ATOH8: variants seen among roughly 807,000 people sequenced by gnomAD.
ATOH8 encodes atonal bHLH transcription factor 8, also known as transcription factor ATOH8.
ATOH8 carries 9 observed loss-of-function variants against 21.2 expected under a neutral mutation model. That is an observed-to-expected ratio of 0.42 (90% CI 0.26 to 0.74). The LOEUF is 0.74. Among genes scored for constraint, ATOH8 ranks in the 30% least tolerant of loss-of-function variants. ATOH8 has a pLI of 0.24. For synonymous variants in ATOH8, 253 were observed against 224.0 expected (o/e 1.13, Z -1.16); for missense variants, 524 against 470.9 (o/e 1.11, Z -1.04).
Position 85,788,844 on chromosome 2 carries a change from A to G in ATOH8, c.*1954A>G, listed in dbSNP as rs1262944141. ...GACCACAGTGTCCATGCTGTCTTGGATCCCTAGGCTGGCACAGAAACAGGG... is the reference window on the plus strand; with the variant it reads ...GACCACAGTGTCCATGCTGTCTTGGGTCCCTAGGCTGGCACAGAAACAGGG... On this transcript the variant is annotated 3_prime_UTR_variant, in exon 3 of 3. Coordinates refer to ENST00000306279, the MANE Select transcript of ATOH8 (RefSeq NM_032827.7). 6.6e-6 allele frequency among the ~76,000 whole-genome samples: 1 copy of G among 152,126 alleles called. No homozygotes were observed. The highest frequency in any genetic ancestry group is 2.4e-5 in the African/African-American group (1 of 41,434).
At chr2:85,786,081 A>C (rs1389420321) in intron 2 of ATOH8, among the ~76,000 whole-genome samples, 1 of 152,206 alleles carries the variant, frequency 6.6e-6, no homozygotes, top group East Asian at 1.9e-4. Context: ...TTCAGCTGCC[A>C]GAATGAGGAT....
intron 2 of ATOH8, among the ~76,000 whole-genome samples, chr2:85,767,925 T>A (rs1050193748): frequency 6.6e-6 from 1 of 152,158 alleles, no homozygotes; most frequent in Non-Finnish European, 1.5e-5. Context: ...TGCTTTGCCC[T>A]CTCTGGGTCA....
intron 2 of ATOH8, among the ~76,000 whole-genome samples, chr2:85,784,739 GCCTCC>G (rs1680580222): frequency 6.6e-6 from 1 of 152,200 alleles, no homozygotes; most frequent in African/African-American, 2.4e-5. Context: ...ATGCTAATCT[GCCTCC>G]CCTCCCCTCA....
At chr2:85,762,592 G>A (rs1558609583) in intron 1 of ATOH8, among the ~76,000 whole-genome samples, 1 of 152,140 alleles carries the variant, frequency 6.6e-6, no homozygotes, top group Non-Finnish European at 1.5e-5. Context: ...CCCTATTAAG[G>A]GCAAGCTGTC....
intron 2 of ATOH8, among the ~76,000 whole-genome samples, chr2:85,778,657 C>T (rs1417772993): frequency 6.6e-6 from 1 of 152,134 alleles, no homozygotes; most frequent in Non-Finnish European, 1.5e-5. Context: ...TTTGGTGTGA[C>T]TTGGCTTGTC....
rs569217851 is a variant in ATOH8 at position 85,790,805 on chromosome 2, G to A, written c.*3915G>A. On this transcript the variant is annotated 3_prime_UTR_variant, in exon 3 of 3. Coordinates refer to ENST00000306279, the MANE Select transcript of ATOH8 (RefSeq NM_032827.7). ...AGCTAATTAGGATAAGACAGGGGCC[G>A]CGCTGTGGTCAGCCGTGGGAAGCCG... Among the ~76,000 whole-genome samples the A allele has an allele frequency of 6.0e-4, 91 of 152,326 alleles. No individual in the cohort carries two copies. Among genetic ancestry groups the A allele is most frequent in the African/African-American group, 2.1e-3 (88 of 41,556 alleles).
chr2:85,781,348 C>G (rs907112800), intron 2 of ATOH8, among the ~76,000 whole-genome samples: 1 of 151,802 alleles, frequency 6.6e-6, no homozygotes, highest in Non-Finnish European at 1.5e-5. Flanking sequence ...GGGCGGATCA[C>G]TTGAGGTCAG....
In ATOH8 at chr2:85,754,910, A is replaced by G; in HGVS notation, c.721A>G (p.Thr241Ala). ...GCTCCTGGCGAACGCCAGGGAGCGG[A>G]CGCGGGTGCACACCATCAGCGCAGC... ...RRLLANARER[T>A]RVHTISAAFE... Residue 241 changes from threonine to alanine, a missense_variant, in exon 1 of 3, where the codon ACG becomes GCG. By Grantham distance (58) the Thr-to-Ala change is moderately conservative (BLOSUM62 0). Transcript: ENST00000306279. 6.2e-7 allele frequency: 1 copy of G among 1,608,810 alleles called. No homozygotes were observed.
Position 85,754,276 on chromosome 2 carries a change from A to C in ATOH8, c.87A>C (p.Lys29Asn). 1 of 1,610,164 alleles carries C rather than the reference A, an allele frequency of 6.2e-7. No individual in the cohort carries two copies. Among genetic ancestry groups the C allele is most frequent in the Non-Finnish European group, 8.5e-7 (1 of 1,178,902 alleles). ...ELNGLKKLKR[K>N]GKEPARRANG... ...ACGGCCTTAAGAAGCTCAAGCGGAA[A>C]GGCAAGGAGCCGGCGCGGCGCGCGA... is the stretch of plus-strand genomic sequence containing the variant. Residue 29 changes from lysine (K) to asparagine (N), a missense_variant, in exon 1 of 3, where the codon AAA becomes AAC. Physicochemically the swap from Lys to Asn is moderately conservative, Grantham distance 94. Coordinates refer to ENST00000306279, the MANE Select transcript of ATOH8 (RefSeq NM_032827.7).
Position 85,754,310 on chromosome 2 carries a change from A to T in ATOH8, c.121A>T (p.Lys41Ter). The T allele has an allele frequency of 6.2e-7, 1 of 1,609,440 alleles. No individual in the cohort carries two copies. The highest frequency in any genetic ancestry group is 8.5e-7 in the Non-Finnish European group (1 of 1,178,658). The change falls in exon 1 of 3, where the codon AAA (lysine) becomes TAA (stop). Residue 41 changes from lysine (K) to a stop codon, truncating the protein, a stop_gained. Transcript: ENST00000306279. LOFTEE classifies it high-confidence loss of function. ...GCCGGCGCGGCGCGCGAACGGCTAT[A>T]AAACTTTCCGACTGGACTTGGAAGC... ...KEPARRANGY[K>*]TFRLDLEAPE... is the part of the protein sequence containing the mutation.
intron 2 of ATOH8, among the ~76,000 whole-genome samples, chr2:85,781,700 A>G (rs1235728007): frequency 2.0e-5 from 3 of 151,922 alleles, no homozygotes; most frequent in Non-Finnish European, 4.4e-5. Context: ...ACAAAGTGAG[A>G]CTCCGTCTCT....
chr2:85,776,154 C>G (rs541433463), intron 2 of ATOH8, among the ~76,000 whole-genome samples: 16 of 152,210 alleles, frequency 1.1e-4, no homozygotes, highest in African/African-American at 3.9e-4. Flanking sequence ...CGAAGTCGCC[C>G]AGGCTCAAGC....
At chr2:85,775,643 T>C (rs1380499719) in intron 2 of ATOH8, among the ~76,000 whole-genome samples, 9 of 152,164 alleles carry the variant, frequency 5.9e-5, no homozygotes, top group African/African-American at 2.2e-4. Flanking sequence ...AAGCTGCATC[T>C]ACAGTCAGGG....
Position 85,754,436 on chromosome 2 carries a change from G to A in ATOH8, c.247G>A (p.Ala83Thr). ...GCCGGTGCCAGTCCCAGTGGCGCCG[G>A]CCGTTCCCCCAAGAGGGGGCACGGA... ...PVPVPVPVAP[A>T]VPPRGGTDTA... is the part of the protein sequence containing the mutation. Residue 83 changes from alanine to threonine, a missense_variant, in exon 1 of 3, where the codon GCC becomes ACC. By Grantham distance (58) the Ala-to-Thr change is moderately conservative (BLOSUM62 0). Coordinates refer to ENST00000306279, the MANE Select transcript of ATOH8 (RefSeq NM_032827.7). 1 of 1,524,980 alleles carries A rather than the reference G, an allele frequency of 6.6e-7. No individual in the cohort carries two copies. Among genetic ancestry groups the A allele is most frequent in the East Asian group, 2.5e-5 (1 of 40,256 alleles). The allele number at this position is 1,524,980 out of a possible 1,614,324, so 94.5% of individuals were successfully genotyped here.
At chr2:85,776,644 C>T (rs945797761) in intron 2 of ATOH8, among the ~76,000 whole-genome samples, 2 of 152,202 alleles carry the variant, frequency 1.3e-5, no homozygotes, top group African/African-American at 4.8e-5. Flanking sequence ...GCCGATTTCC[C>T]ATGCACATGG....
chr2:85,776,983 A>G (rs886967046), intron 2 of ATOH8, among the ~76,000 whole-genome samples: 5 of 150,664 alleles, frequency 3.3e-5, no homozygotes, highest in African/African-American at 1.2e-4. Context: ...CACCCCCTCC[A>G]CACGCACACA....
chr2:85,783,273 TTA>T (rs1285820407), intron 2 of ATOH8, among the ~76,000 whole-genome samples: 2 of 152,126 alleles, frequency 1.3e-5, no homozygotes, highest in Non-Finnish European at 2.9e-5. Context: ...AACCTGTTGT[TTA>T]AAGGACATCT....
intron 2 of ATOH8, among the ~76,000 whole-genome samples, chr2:85,783,125 G>T (rs183149484): frequency 4.6e-5 from 7 of 152,306 alleles, no homozygotes; most frequent in African/African-American, 1.4e-4. Context: ...ATAAAAAGAT[G>T]ATTTCTGCTT....
In ATOH8 at chr2:85,789,674, G is replaced by A. The variant is rs1558621170; in HGVS notation, c.*2784G>A. Among the ~76,000 whole-genome samples the A allele has an allele frequency of 1.3e-5, 2 of 152,196 alleles. No homozygotes were observed. The highest frequency in any genetic ancestry group is 4.8e-5 in the African/African-American group (2 of 41,448). ...CATCTCCAGAAATTCTGATGTATTG[G>A]TCTAGGGTGTTGCCTGGTCATTGGG... On this transcript the variant is annotated 3_prime_UTR_variant, in exon 3 of 3. Coordinates refer to ENST00000306279, the MANE Select transcript of ATOH8 (RefSeq NM_032827.7).
Sources: allele counts gnomAD v4.1 joint callset (sites outside exome capture counted in the v4.1 genomes callset), GRCh38; gene constraint gnomAD v4.1.1; transcripts MANE v1.5; gene names NCBI Gene and HGNC (gene_info 2026-07-23, HGNC 2026-07-21).